Variants in EFCAB5 observed in about 807,000 individuals in gnomAD.
The protein encoded by EFCAB5 is EF-hand calcium binding domain 5.
In EFCAB5, 131 loss-of-function variants were observed where a neutral mutation model predicts 167.9. That is an observed-to-expected ratio of 0.78 (90% confidence interval 0.68 to 0.90). The LOEUF (loss-of-function observed/expected upper bound fraction) is 0.90, where lower values mean the gene tolerates loss of function less well. Among genes scored for constraint, EFCAB5 ranks in the 40% least tolerant of loss-of-function variants. The pLI, the probability that EFCAB5 is intolerant of heterozygous loss-of-function variation, is 0.00. For missense variants in EFCAB5, 1,663 were observed against 1,745.2 expected (o/e 0.95, Z 0.84); for synonymous variants, 574 against 602.8 (o/e 0.95, Z 0.70).
chr17:30,053,840 G>T lies in EFCAB5; in HGVS notation c.1886G>T (p.Arg629Leu), dbSNP rs369999418. The T allele has an allele frequency of 3.7e-6, 6 of 1,613,972 alleles. No individual in the cohort carries two copies. The highest frequency in any genetic ancestry group is 4.2e-6 in the Non-Finnish European group (5 of 1,179,894). Residue 629 changes from arginine to leucine, a missense_variant, in exon 10 of 23, where the codon CGC becomes CTC. Coordinates refer to ENST00000394835, the MANE Select transcript of EFCAB5 (RefSeq NM_198529.4). Reference protein sequence around the residue: ...HKGSVAEQGSRRMSAAEQGSL... With the variant: ...HKGSVAEQGSLRMSAAEQGSL... ...GGGTCAGTAGCAGAACAAGGATCACGCAGAATGTCAGCTGCAGAACAGGGA... is the reference window on the plus strand; with the variant it reads ...GGGTCAGTAGCAGAACAAGGATCACTCAGAATGTCAGCTGCAGAACAGGGA...
At chr17:30,012,754 C>T (rs1044329908) in intron 7 of EFCAB5, among the ~76,000 whole-genome samples, 6 of 152,142 alleles carry the variant, frequency 3.9e-5, no homozygotes, top group Admixed American at 6.5e-5. Context: ...GGGAGAGACC[C>T]GCCGACCCTG....
chr17:30,103,878 G>A (rs7225668), intron 22 of EFCAB5, among the ~76,000 whole-genome samples: 11,908 of 152,160 alleles, frequency 0.078, 1,444 homozygotes, highest in African/African-American at 0.26. Context: ...TTAGCCAGGC[G>A]TGCATGCCTG....
In EFCAB5 at chr17:30,045,952, G is replaced by C. The variant is rs139875196; in HGVS notation, c.1201-5166G>C. ...AGCTATTCAGGAGGCTGAGGCAGGAGGATAGCTTGAGCCCAGAAGTTAGAG... is the reference window on the plus strand; with the variant it reads ...AGCTATTCAGGAGGCTGAGGCAGGACGATAGCTTGAGCCCAGAAGTTAGAG... On this transcript the variant is annotated intron_variant, in intron 8 of 22. Coordinates refer to ENST00000394835, the MANE Select transcript of EFCAB5 (RefSeq NM_198529.4). 7.6e-3 allele frequency among the ~76,000 whole-genome samples: 1,151 copies of C among 152,248 alleles called. 21 individuals are homozygous for C. The highest frequency in any genetic ancestry group is 0.026 in the African/African-American group (1,095 of 41,530).
intron 22 of EFCAB5, among the ~76,000 whole-genome samples, chr17:30,103,355 C>T (rs917414581): frequency 2.6e-5 from 4 of 151,870 alleles, no homozygotes; most frequent in African/African-American, 7.3e-5. Context: ...TTTCAATTTA[C>T]ACATGACTTG....
At chr17:30,014,889 A>C (rs1045877574) in intron 7 of EFCAB5, among the ~76,000 whole-genome samples, 1 of 152,160 alleles carries the variant, frequency 6.6e-6, no homozygotes, top group Non-Finnish European at 1.5e-5. Flanking sequence ...GTTTCTTCCT[A>C]GCCTCGATGG....
chr17:30,099,914 G>T (rs182637173), intron 22 of EFCAB5, among the ~76,000 whole-genome samples: 7 of 152,176 alleles, frequency 4.6e-5, no homozygotes, highest in African/African-American at 1.7e-4. Flanking sequence ...CTATAAGGCT[G>T]GTGGTGGCCC....
In EFCAB5 at chr17:30,034,389, G is replaced by A. The variant is rs774284927; in HGVS notation, c.1200+4G>A. The A allele has an allele frequency of 6.3e-7, 1 of 1,580,374 alleles. No individual in the cohort carries two copies. Among genetic ancestry groups the A allele is most frequent in the South Asian group, 1.1e-5 (1 of 87,864 alleles). ...CCTACATTGTGACCACGGGAAGGTG[G>A]GTTAAGACATTTAAATAATTGCTTC... is the stretch of plus-strand genomic sequence containing the variant. On this transcript the variant is annotated splice_donor_region_variant and intron_variant, in intron 8 of 22. Coordinates refer to ENST00000394835, the MANE Select transcript of EFCAB5 (RefSeq NM_198529.4).
intron 7 of EFCAB5, among the ~76,000 whole-genome samples, chr17:30,020,605 T>G (rs942024850): frequency 6.6e-6 from 1 of 152,150 alleles, no homozygotes; most frequent in African/African-American, 2.4e-5. Context: ...CCCACCCGCC[T>G]CGGCCTCCCT....
chr17:30,021,519 A>C (rs1258914498), intron 7 of EFCAB5, among the ~76,000 whole-genome samples: 2 of 149,600 alleles, frequency 1.3e-5, no homozygotes, highest in Non-Finnish European at 3.0e-5. Context: ...TACATTATTT[A>C]TTTTATATAT....
chr17:29,931,380 G>A (rs1007684881), intron 1 of EFCAB5, among the ~76,000 whole-genome samples: 1 of 152,162 alleles, frequency 6.6e-6, no homozygotes, highest in African/African-American at 2.4e-5. Flanking sequence ...AACGCCACAA[G>A]AGTCCTCTGT....
At chr17:30,062,918 A>G (rs1225624174) in intron 14 of EFCAB5, among the ~76,000 whole-genome samples, 1 of 152,160 alleles carries the variant, frequency 6.6e-6, no homozygotes, top group African/African-American at 2.4e-5. Flanking sequence ...GCATCCCAAG[A>G]AATGGTGCCT....
chr17:29,994,994 G>A (rs2068514157), intron 5 of EFCAB5, among the ~76,000 whole-genome samples: 1 of 152,150 alleles, frequency 6.6e-6, no homozygotes, highest in African/African-American at 2.4e-5. Flanking sequence ...AAGTCAGAAG[G>A]AGTTAAATCA....
At chr17:29,986,491 T>C (rs1442149874) in intron 4 of EFCAB5, among the ~76,000 whole-genome samples, 1 of 152,138 alleles carries the variant, frequency 6.6e-6, no homozygotes, top group Non-Finnish European at 1.5e-5. Flanking sequence ...CAATAATGAT[T>C]CCATAGGAAT....
intron 19 of EFCAB5, among the ~76,000 whole-genome samples, chr17:30,087,519 C>A (rs547911780): frequency 6.6e-6 from 1 of 152,252 alleles, no homozygotes; most frequent in Non-Finnish European, 1.5e-5. Flanking sequence ...TCAGCTCCCA[C>A]TTATAAGTGA....
intron 4 of EFCAB5, among the ~76,000 whole-genome samples, chr17:29,992,021 T>C (rs971339078): frequency 6.6e-6 from 1 of 152,126 alleles, no homozygotes; most frequent in African/African-American, 2.4e-5. Flanking sequence ...ATACATATCA[T>C]TTTTTTGTGG....
At chr17:29,942,340 A>G (rs1443216170) in intron 2 of EFCAB5, 38 bp downstream of exon 2, 14 of 1,489,576 alleles carry the variant, frequency 9.4e-6, no homozygotes, top group Non-Finnish European at 1.3e-5. Flanking sequence ...TTAATGCTGG[A>G]GAATAAGCTA....
intron 1 of EFCAB5, chr17:29,930,027 A>C (rs746444236): frequency 7.6e-7 from 1 of 1,318,030 alleles, no homozygotes; most frequent in South Asian, 1.2e-5. Flanking sequence ...TGTTCCGGGC[A>C]GGGCATTCTT....
intron 10 of EFCAB5, among the ~76,000 whole-genome samples, chr17:30,055,322 GAGGAAGGAAGGA>G (rs71138869): frequency 0.033 from 3,516 of 106,774 alleles, 65 homozygotes; most frequent in East Asian, 0.064. Context: ...GAGAGAGAGA[GAGGAAGGAAGGA>G]AGGAAGGAAG....
At chr17:30,065,965 G>T (rs1180203862) in intron 14 of EFCAB5, among the ~76,000 whole-genome samples, 1 of 152,154 alleles carries the variant, frequency 6.6e-6, no homozygotes, top group Non-Finnish European at 1.5e-5. Flanking sequence ...AATATTGTTA[G>T]ATCTAAAGGG....
Sources: allele counts gnomAD v4.1 joint callset (sites outside exome capture counted in the v4.1 genomes callset), GRCh38; gene constraint gnomAD v4.1.1; transcripts MANE v1.5; gene names NCBI Gene and HGNC (gene_info 2026-07-23, HGNC 2026-07-21).